The following AP5S1 variants were observed in gnomAD, a reference collection of about 807,000 sequenced individuals.
The protein encoded by AP5S1 is AP-5 complex subunit sigma-1.
In AP5S1, 13 loss-of-function variants were observed where a neutral mutation model predicts 13.9. The observed-to-expected ratio is 0.94, with a 90% CI of 0.61 to 1.49. AP5S1 has a LOEUF of 1.49. Ranked by LOEUF, AP5S1 falls within the 40% of genes most tolerant of loss-of-function variation. The probability of loss-of-function intolerance (pLI) is 0.00; values close to 1 mark genes in which losing one functional copy is unlikely to be tolerated. For missense variants in AP5S1, 292 were observed against 272.3 expected, an observed-to-expected ratio of 1.07 and a Z score of -0.51; for synonymous variants, 132 against 121.8, an observed-to-expected ratio of 1.08 and a Z score of -0.55.
In AP5S1 at chr20:3,824,771, A is replaced by G. The variant is rs2089613115; in HGVS notation, c.*474A>G. ...AACATAGTGAAACCCCATCTCTACT[A>G]AAAATACAAAAATTAGCTGGGTGTA... On this transcript the variant is annotated 3_prime_UTR_variant, in exon 3 of 3. Transcript: ENST00000615891. 6.4e-6 allele frequency: 1 copy of G among 156,638 alleles called. No individual in the cohort carries two copies. The highest frequency in any genetic ancestry group is 1.9e-4 in the South Asian group (1 of 5,244). The allele number at this position is 156,638 out of a possible 1,614,324, so 9.7% of individuals were successfully genotyped here.
rs1286009658 is a variant in AP5S1, at chr20:3,826,784, C to T, written c.*2487C>T. 1.3e-5 allele frequency: 2 copies of T among 152,256 alleles called. No homozygotes were observed. The highest frequency in any genetic ancestry group is 2.9e-5 in the Non-Finnish European group (2 of 68,110). 9.4% of individuals were successfully genotyped at this position (152,256 alleles called of 1,614,324 possible). ...CTGGGTTTCCACCACAATTTATGCT[C>T]ACCATATATTTATCGAGCCTCCCTT... is the stretch of plus-strand genomic sequence containing the variant. On this transcript the variant is annotated 3_prime_UTR_variant, in exon 3 of 3. Transcript: ENST00000615891.
In AP5S1 at chr20:3,827,351, G is replaced by C. The variant is rs1378464507; in HGVS notation, c.*3054G>C. ...GCAATCTCGGCTCATTGCAAGCTCCGCCTCCCAGATTCACGCCATTCTGTC... is the reference window on the plus strand; with the variant it reads ...GCAATCTCGGCTCATTGCAAGCTCCCCCTCCCAGATTCACGCCATTCTGTC... On this transcript the variant is annotated 3_prime_UTR_variant, in exon 3 of 3. Transcript: ENST00000615891. 1 of 152,158 alleles carries C rather than the reference G, an allele frequency of 6.6e-6. No individual in the cohort carries two copies. The highest frequency in any genetic ancestry group is 1.5e-5 in the Non-Finnish European group (1 of 68,060). 9.4% of individuals were successfully genotyped at this position (152,158 alleles called of 1,614,324 possible).
chr20:3,822,315 A>G (rs1280835607), intron 2 of AP5S1, 22 bp downstream of exon 2: 1 of 1,609,130 alleles, frequency 6.2e-7, no homozygotes. Flanking sequence ...GCCCAGCCCC[A>G]GGCCTTCATT....
Position 3,822,381 on chromosome 20 carries a change from G to A in AP5S1, c.176+88G>A, listed in dbSNP as rs2089590723. The A allele has an allele frequency of 3.8e-6, 5 of 1,322,822 alleles. No individual in the cohort carries two copies. In the African/African-American group the frequency reaches 5.8e-5, roughly 15 times the overall value. 81.9% of individuals were successfully genotyped at this position (1,322,822 alleles called of 1,614,324 possible). On this transcript the variant is annotated intron_variant, in intron 2 of 2. Transcript: ENST00000615891. ...CGGGGAGTGGGGACGCAGAGAAATA[G>A]GAGGACTAAGAAGCAGAGAGGAAGT...
rs963004521 is a variant in AP5S1 at position 3,824,704 on chromosome 20, G to T, written c.*407G>T. ...TCCCAGCACTTTGCGGGGCTGAGGT[G>T]GTTGGACCACCTCAGGTCGGGAGTT... On this transcript the variant is annotated 3_prime_UTR_variant, in exon 3 of 3. Coordinates refer to ENST00000615891, the MANE Select transcript of AP5S1 (RefSeq NM_018347.3). The T allele has an allele frequency of 3.2e-5, 6 of 184,858 alleles. No homozygotes were observed. The highest frequency in any genetic ancestry group is 9.5e-5 in the African/African-American group (4 of 42,262). The allele number at this position is 184,858 out of a possible 1,614,324, so 11.5% of individuals were successfully genotyped here.
Sources: allele counts gnomAD v4.1 joint callset, GRCh38; gene constraint gnomAD v4.1.1; transcripts MANE v1.5; gene names NCBI Gene and HGNC (gene_info 2026-07-23, HGNC 2026-07-21).